Variants in OPCML observed in about 807,000 individuals in gnomAD.
The protein encoded by OPCML is opioid-binding protein/cell adhesion molecule.
A neutral mutation model predicts 37.8 loss-of-function variants in OPCML; 13 were observed. That is an observed-to-expected ratio of 0.34 (90% CI 0.22 to 0.55). The LOEUF (loss-of-function observed/expected upper bound fraction) is 0.55, where lower values mean the gene tolerates loss of function less well. Among genes scored for constraint, OPCML ranks in the 20% least tolerant of loss-of-function variants. OPCML has a pLI of 0.91. For synonymous variants in OPCML, 176 were observed against 168.8 expected (o/e 1.04, Z -0.33); for missense variants, 341 against 435.6 (o/e 0.78, Z 1.93).
At chr11:132,712,183 C>T (rs1038634131) in intron 2 of OPCML, among the ~76,000 whole-genome samples, 2 of 152,106 alleles carry the variant, frequency 1.3e-5, no homozygotes, top group African/African-American at 4.8e-5. Context: ...TGGATGTTGT[C>T]GGCAATTGAT....
intron 3 of OPCML, among the ~76,000 whole-genome samples, chr11:132,628,690 C>T (rs145162842): frequency 3.3e-5 from 5 of 152,126 alleles, no homozygotes; most frequent in Non-Finnish European, 7.4e-5. Context: ...AGCCAAATCT[C>T]ATCTTGAATT....
At chr11:133,131,171 C>CTAAA (rs1313296747) in intron 1 of OPCML, among the ~76,000 whole-genome samples, 1 of 152,094 alleles carries the variant, frequency 6.6e-6, no homozygotes, top group Non-Finnish European at 1.5e-5. Flanking sequence ...TCAGCAGACA[C>CTAAA]TAAATGTGTG....
At chr11:133,459,361 A>C (rs1946805844) in intron 1 of OPCML, among the ~76,000 whole-genome samples, 1 of 151,962 alleles carries the variant, frequency 6.6e-6, no homozygotes, top group Non-Finnish European at 1.5e-5. Flanking sequence ...ACAAAATGTC[A>C]AAAAGTGTCC....
chr11:132,830,931 T>A (rs1377329342), intron 2 of OPCML, among the ~76,000 whole-genome samples: 1 of 152,214 alleles, frequency 6.6e-6, no homozygotes, highest in Non-Finnish European at 1.5e-5. Flanking sequence ...CAGAACTAAA[T>A]TCAATAGTTT....
At chr11:132,480,521 C>G (rs1173783258) in intron 4 of OPCML, among the ~76,000 whole-genome samples, 1 of 152,046 alleles carries the variant, frequency 6.6e-6, no homozygotes, top group Non-Finnish European at 1.5e-5. Flanking sequence ...ACAGAGAACA[C>G]CACAAAGATA....
chr11:133,375,030 A>G (rs1219159261), intron 1 of OPCML, among the ~76,000 whole-genome samples: 1 of 152,220 alleles, frequency 6.6e-6, no homozygotes, highest in East Asian at 1.9e-4. Context: ...AGCTGTTGGT[A>G]GACATCATAT....
At chr11:133,304,751 G>A (rs1942870018) in intron 1 of OPCML, among the ~76,000 whole-genome samples, 1 of 152,176 alleles carries the variant, frequency 6.6e-6, no homozygotes, top group Admixed American at 6.5e-5. Flanking sequence ...GCCATGGAAA[G>A]TAAACAACTA....
intron 2 of OPCML, among the ~76,000 whole-genome samples, chr11:132,659,313 C>G (rs1345767397): frequency 6.6e-6 from 1 of 152,180 alleles, no homozygotes; most frequent in African/African-American, 2.4e-5. Context: ...TTTATTCATT[C>G]TCAGTTGCAA....
At chr11:132,574,203 T>A (rs550456332) in intron 3 of OPCML, among the ~76,000 whole-genome samples, 2 of 151,412 alleles carry the variant, frequency 1.3e-5, no homozygotes, top group South Asian at 4.2e-4. Context: ...AATTTATTTC[T>A]ACCGTTTTTC....
At chr11:132,511,165 A>G (rs1404334074) in intron 4 of OPCML, among the ~76,000 whole-genome samples, 1 of 152,150 alleles carries the variant, frequency 6.6e-6, no homozygotes, top group Non-Finnish European at 1.5e-5. Flanking sequence ...ATCTCTGTGT[A>G]TTTTCAATGA....
intron 1 of OPCML, among the ~76,000 whole-genome samples, chr11:133,031,835 A>C (rs1947679872): frequency 6.6e-6 from 1 of 152,184 alleles, no homozygotes; most frequent in Non-Finnish European, 1.5e-5. Flanking sequence ...AAGCTTTCAA[A>C]TGAGCACTTC....
intron 2 of OPCML, among the ~76,000 whole-genome samples, chr11:132,936,742 A>G (rs1269859817): frequency 6.6e-6 from 1 of 152,174 alleles, no homozygotes; most frequent in Non-Finnish European, 1.5e-5. Flanking sequence ...CCAGGTATAA[A>G]AAGCATCAAG....
chr11:132,711,671 ATG>A (rs1449317442), intron 2 of OPCML, among the ~76,000 whole-genome samples: 3 of 152,130 alleles, frequency 2.0e-5, no homozygotes, highest in Non-Finnish European at 4.4e-5. Context: ...ATGTATGTAT[ATG>A]TGTGTGTATG....
chr11:133,051,157 C>T (rs1429521212), intron 1 of OPCML, among the ~76,000 whole-genome samples: 3 of 152,132 alleles, frequency 2.0e-5, no homozygotes, highest in Non-Finnish European at 2.9e-5. Context: ...CTCAGACTTA[C>T]ATTCCCATCT....
chr11:133,324,576 G>C (rs977047802), intron 1 of OPCML, among the ~76,000 whole-genome samples: 17 of 152,164 alleles, frequency 1.1e-4, no homozygotes, highest in African/African-American at 4.1e-4. Context: ...CAACTGCTAA[G>C]ACGCCTACGG....
chr11:133,421,214 C>T (rs1945879299), intron 1 of OPCML: 2 of 985,242 alleles, frequency 2.0e-6, no homozygotes, highest in Non-Finnish European at 2.4e-6. Flanking sequence ...GCAATGCGTT[C>T]CAAGAAGCAA....
chr11:132,663,509 T>C (rs1283792027), intron 2 of OPCML, among the ~76,000 whole-genome samples: 3 of 152,212 alleles, frequency 2.0e-5, no homozygotes, highest in African/African-American at 7.2e-5. Flanking sequence ...AGATGTGGTA[T>C]GACAACAATT....
chr11:133,471,329 CT>C (rs928329802), intron 1 of OPCML, among the ~76,000 whole-genome samples: 4 of 152,086 alleles, frequency 2.6e-5, no homozygotes, highest in Admixed American at 1.3e-4. Flanking sequence ...GTGAAGAAGC[CT>C]TTATATACTG....
intron 1 of OPCML, among the ~76,000 whole-genome samples, chr11:133,436,849 C>T (rs1197668692): frequency 6.6e-6 from 1 of 152,160 alleles, no homozygotes; most frequent in Non-Finnish European, 1.5e-5. Flanking sequence ...CTAAACCTTT[C>T]GGTCCTTAGG....
Sources: allele counts gnomAD v4.1 joint callset (sites outside exome capture counted in the v4.1 genomes callset), GRCh38; gene constraint gnomAD v4.1.1; transcripts MANE v1.5; gene names NCBI Gene and HGNC (gene_info 2026-07-23, HGNC 2026-07-21).